Variants in SGK1 observed in about 807,000 individuals in gnomAD.
SGK1 encodes the protein serum/glucocorticoid regulated kinase 1, also known as serine/threonine-protein kinase Sgk1.
A neutral mutation model predicts 64.2 loss-of-function variants in SGK1; 26 were observed. That is an observed-to-expected ratio of 0.40 (90% confidence interval 0.30 to 0.56). The LOEUF (loss-of-function observed/expected upper bound fraction) is 0.56, where lower values mean the gene tolerates loss of function less well. Among genes scored for constraint, SGK1 ranks in the 20% least tolerant of loss-of-function variants. SGK1 has a pLI of 0.38. For missense variants in SGK1, 519 were observed against 645.6 expected, an observed-to-expected ratio of 0.80 and a Z score of 2.12; for synonymous variants, 265 against 239.7, an observed-to-expected ratio of 1.11 and a Z score of -0.98.
At position 134,170,098 on chromosome 6, in the gene SGK1, T is replaced by C. The variant is rs776360099; in HGVS notation, c.*170A>G. 2 of 496,108 alleles carry C rather than the reference T, an allele frequency of 4.0e-6. No homozygotes were observed. The highest frequency in any genetic ancestry group is 1.9e-5 in the African/African-American group (1 of 52,614). The allele number at this position is 496,108 out of a possible 1,614,324, so 30.7% of individuals were successfully genotyped here. Reference sequence around the variant, plus strand: ...AACCTCATGAGCTCACTGAGGAGAATGTGCTCTTCAAAAAGCTTCCAGCGA... The same window carrying C: ...AACCTCATGAGCTCACTGAGGAGAACGTGCTCTTCAAAAAGCTTCCAGCGA... On this transcript the variant is annotated 3_prime_UTR_variant, in exon 14 of 14. Transcript: ENST00000367858.
intron 1 of SGK1, among the ~76,000 whole-genome samples, chr6:134,315,238 G>A (rs754049085): frequency 2.0e-5 from 3 of 151,968 alleles, no homozygotes; most frequent in Non-Finnish European, 2.9e-5. Context: ...TATCCCTGGG[G>A]CATTCAATGA....
rs2114671924 is a variant in SGK1, at chr6:134,196,931, G to A, written c.361+10425C>T. On this transcript the variant is annotated intron_variant, in intron 3 of 13. Coordinates refer to ENST00000367858, the MANE Select transcript of SGK1 (RefSeq NM_001143676.3). ...GCATATACCATGGACAAGAAAGTTT[G>A]TTAAAAACTGAATGTATAAGGCTGG... Among the ~76,000 whole-genome samples the A allele has an allele frequency of 2.0e-5, 3 of 152,230 alleles. No homozygotes were observed. The Middle Eastern group carries it at 0.01, about 518-fold the overall frequency.
At chr6:134,202,066 T>A (rs535460039) in intron 3 of SGK1, among the ~76,000 whole-genome samples, 2 of 151,554 alleles carry the variant, frequency 1.3e-5, no homozygotes, top group African/African-American at 4.9e-5. Context: ...TGATAAAAAA[T>A]AAAAATAAAA....
chr6:134,177,242 A>G (rs968152098), intron 3 of SGK1, among the ~76,000 whole-genome samples: 10 of 152,056 alleles, frequency 6.6e-5, no homozygotes, highest in African/African-American at 2.2e-4. Context: ...AAACAAAACA[A>G]AAACAAAAAC....
chr6:134,172,878 T>C, intron 8 of SGK1, 104 bp from the exon 9 acceptor site: 5 of 1,229,242 alleles, frequency 4.1e-6, no homozygotes, highest in Admixed American at 1.8e-5. Context: ...AAGTAATCTA[T>C]TAACTATAAA....
intron 1 of SGK1, among the ~76,000 whole-genome samples, 160 bp from the exon 2 acceptor site, chr6:134,262,308 A>G (rs1445641088): frequency 7.2e-5 from 11 of 152,188 alleles, no homozygotes; most frequent in Admixed American, 5.9e-4. Context: ...GAATTGGTCA[A>G]TGCTGTTCAG....
intron 1 of SGK1, among the ~76,000 whole-genome samples, chr6:134,266,198 C>T (rs900777799): frequency 1.3e-5 from 2 of 150,420 alleles, no homozygotes; most frequent in African/African-American, 2.4e-5. Context: ...TTGGCCAGGC[C>T]GGTCTTGAAC....
At chr6:134,301,445 G>T (rs1446897760) in intron 1 of SGK1, among the ~76,000 whole-genome samples, 1 of 152,188 alleles carries the variant, frequency 6.6e-6, no homozygotes, top group Non-Finnish European at 1.5e-5. Flanking sequence ...AGGCTGGAGT[G>T]CTGGGCCACA....
chr6:134,297,506 C>T (rs560439476), intron 1 of SGK1: 3 of 576,868 alleles, frequency 5.2e-6, no homozygotes, highest in Non-Finnish European at 9.9e-6. Context: ...TCTTGGAGAT[C>T]TCTGTCTTGT....
chr6:134,233,808 TC>T (rs1225286619), intron 2 of SGK1, among the ~76,000 whole-genome samples: 4 of 151,674 alleles, frequency 2.6e-5, no homozygotes, highest in Non-Finnish European at 4.4e-5. Context: ...AGATTCTGAT[TC>T]TTTTTTTTTT....
chr6:134,301,913 G>A (rs1223429938), intron 1 of SGK1, among the ~76,000 whole-genome samples: 1 of 152,274 alleles, frequency 6.6e-6, no homozygotes, highest in East Asian at 1.9e-4. Context: ...GAAAGGGAAA[G>A]TTAAGATATG....
At chr6:134,215,126 C>CTTTTTTT (rs750498622) in intron 2 of SGK1, 1 of 316,992 alleles carries the variant, frequency 3.2e-6, no homozygotes, top group African/African-American at 3.6e-5. Flanking sequence ...AGTTTTCTTT[C>CTTTTTTT]TTTCTTTCTT....
intron 2 of SGK1, among the ~76,000 whole-genome samples, chr6:134,227,459 A>G (rs1776202690): frequency 6.6e-6 from 1 of 152,146 alleles, no homozygotes; most frequent in Non-Finnish European, 1.5e-5. Flanking sequence ...TTTCTAAACT[A>G]TCTGGAGCTA....
At chr6:134,250,142 A>G (rs1357244772) in intron 2 of SGK1, among the ~76,000 whole-genome samples, 1 of 152,226 alleles carries the variant, frequency 6.6e-6, no homozygotes, top group Non-Finnish European at 1.5e-5. Flanking sequence ...ACTAGAGTAA[A>G]AGAGAAAAGT....
chr6:134,200,915 A>G lies in SGK1; in HGVS notation c.361+6441T>C, dbSNP rs147671971. ...TGAGACCTTGTCTCAAAAACAAAACAAAAAACAGATTACACACTACATTAA... is the reference window on the plus strand; with the variant it reads ...TGAGACCTTGTCTCAAAAACAAAACGAAAAACAGATTACACACTACATTAA... On this transcript the variant is annotated intron_variant, in intron 3 of 13. Transcript: ENST00000367858. 4.4e-4 allele frequency among the ~76,000 whole-genome samples: 67 copies of G among 152,160 alleles called. 1 individual carries two copies. Among genetic ancestry groups the G allele is most frequent in the Non-Finnish European group, 7.9e-4 (54 of 68,004 alleles).
chr6:134,230,442 G>C (rs1004603845), intron 2 of SGK1: 3 of 152,214 alleles, frequency 2.0e-5, no homozygotes, highest in African/African-American at 7.2e-5. Context: ...TCACAATCAT[G>C]TCAGGAGGCA....
At chr6:134,239,739 A>G (rs1776414832) in intron 2 of SGK1, among the ~76,000 whole-genome samples, 1 of 152,166 alleles carries the variant, frequency 6.6e-6, no homozygotes, top group Non-Finnish European at 1.5e-5. Flanking sequence ...TCATTTGTAA[A>G]TGTGTCTTAT....
intron 1 of SGK1, among the ~76,000 whole-genome samples, chr6:134,282,052 T>TA (rs1269246484): frequency 6.6e-6 from 1 of 152,198 alleles, no homozygotes; most frequent in Non-Finnish European, 1.5e-5. Context: ...TTCTCTGGAC[T>TA]ACTTGGGTAG....
chr6:134,245,748 T>C (rs1214163005), intron 2 of SGK1, among the ~76,000 whole-genome samples: 1 of 152,174 alleles, frequency 6.6e-6, no homozygotes, highest in Non-Finnish European at 1.5e-5. Flanking sequence ...CCCAGAACTT[T>C]GGGAGGTTGA....
Sources: allele counts gnomAD v4.1 joint callset (sites outside exome capture counted in the v4.1 genomes callset), GRCh38; gene constraint gnomAD v4.1.1; transcripts MANE v1.5; gene names NCBI Gene and HGNC (gene_info 2026-07-23, HGNC 2026-07-21).